The following NRSN1 variants were observed in gnomAD, a reference collection of about 807,000 sequenced individuals.
NRSN1 encodes neurensin-1.
A neutral mutation model predicts 17.3 loss-of-function variants in NRSN1; 14 were observed. The ratio of observed to expected loss-of-function variants is 0.81; its 90% CI spans 0.54 to 1.27. The LOEUF (loss-of-function observed/expected upper bound fraction) is 1.27. NRSN1 is among the 50% of genes most tolerant of loss of function. The pLI is 0.00. For missense variants in NRSN1, 209 were observed against 235.9 expected, an observed-to-expected ratio of 0.89 and a Z score of 0.75; for synonymous variants, 79 against 94.2, an observed-to-expected ratio of 0.84 and a Z score of 0.93.
intron 1 of NRSN1, among the ~76,000 whole-genome samples, chr6:24,126,983 C>T (rs942282315): frequency 2.6e-5 from 4 of 152,148 alleles, no homozygotes; most frequent in Admixed American, 2.6e-4. Context: ...GCTCCTTGGG[C>T]GCCACATCAG....
chr6:24,146,066 C>T lies in NRSN1; in HGVS notation c.*120C>T, dbSNP rs777036145. 224 of 1,037,714 alleles carry T rather than the reference C, an allele frequency of 2.2e-4. No individual in the cohort carries two copies. The highest frequency in any genetic ancestry group is 3.1e-4 in the Non-Finnish European group (204 of 660,978). The allele number at this position is 1,037,714 out of a possible 1,614,324, so 64.3% of individuals were successfully genotyped here. On this transcript the variant is annotated 3_prime_UTR_variant, in exon 4 of 4. Coordinates refer to ENST00000378491, the MANE Select transcript of NRSN1 (RefSeq NM_080723.5). ...CCCTAGGGCTGTGTTCAGCTGTGGGCAATATAATGGGTGGACTCACACTTG... is the reference window on the plus strand; with the variant it reads ...CCCTAGGGCTGTGTTCAGCTGTGGGTAATATAATGGGTGGACTCACACTTG...
chr6:24,133,899 C>T (rs915139849), intron 2 of NRSN1, among the ~76,000 whole-genome samples: 2 of 151,980 alleles, frequency 1.3e-5, no homozygotes, highest in African/African-American at 4.8e-5. Context: ...TGCAGTGGTG[C>T]GATCTTGGCT....
chr6:24,126,822 C>T (rs1486749397), intron 1 of NRSN1, among the ~76,000 whole-genome samples: 1 of 152,140 alleles, frequency 6.6e-6, no homozygotes, highest in African/African-American at 2.4e-5. Flanking sequence ...GATCTCAGGA[C>T]CTACTTCTTT....
chr6:24,144,656 A>G (rs535890761), intron 3 of NRSN1, among the ~76,000 whole-genome samples: 1 of 152,304 alleles, frequency 6.6e-6, no homozygotes, highest in East Asian at 1.9e-4. Context: ...CATATTAGCC[A>G]GGAGCGGGGG....
At chr6:24,132,436 T>C (rs1561865494) in intron 2 of NRSN1, among the ~76,000 whole-genome samples, 1 of 152,242 alleles carries the variant, frequency 6.6e-6, no homozygotes, top group Non-Finnish European at 1.5e-5. Flanking sequence ...TGGCCTGGAT[T>C]ACAGCACAAG....
chr6:24,141,708 G>A (rs1157185510), intron 3 of NRSN1, among the ~76,000 whole-genome samples: 1 of 152,230 alleles, frequency 6.6e-6, no homozygotes, highest in Admixed American at 6.5e-5. Flanking sequence ...TAGTCCAGGA[G>A]TGGATTTTCA....
chr6:24,137,836 T>C (rs1760141068), intron 3 of NRSN1, among the ~76,000 whole-genome samples: 1 of 151,878 alleles, frequency 6.6e-6, no homozygotes, highest in South Asian at 2.1e-4. Flanking sequence ...TGATGCAGAC[T>C]AGGGAAGAAA....
At chr6:24,132,666 C>A (rs1017575265) in intron 2 of NRSN1, among the ~76,000 whole-genome samples, 11 of 152,100 alleles carry the variant, frequency 7.2e-5, no homozygotes, top group African/African-American at 2.2e-4. Context: ...TTTTATATTT[C>A]TTTTATTATT....
intron 2 of NRSN1, among the ~76,000 whole-genome samples, chr6:24,131,744 G>A (rs1760033185): frequency 6.6e-6 from 1 of 152,164 alleles, no homozygotes; most frequent in East Asian, 1.9e-4. Context: ...ATAGGCTCTT[G>A]TTAATCATCT....
At chr6:24,132,542 A>G (rs1760050939) in intron 2 of NRSN1, among the ~76,000 whole-genome samples, 1 of 152,220 alleles carries the variant, frequency 6.6e-6, no homozygotes, top group Non-Finnish European at 1.5e-5. Flanking sequence ...AACTATCTAC[A>G]GGATAATTTT....
chr6:24,133,631 A>G (rs1053066922), intron 2 of NRSN1, among the ~76,000 whole-genome samples: 16 of 152,178 alleles, frequency 1.1e-4, no homozygotes, highest in Non-Finnish European at 1.9e-4. Flanking sequence ...GAGATTAAAG[A>G]TTTCTTGTCA....
intron 3 of NRSN1, among the ~76,000 whole-genome samples, chr6:24,144,814 C>T (rs1760274998): frequency 6.6e-6 from 1 of 151,818 alleles, no homozygotes; most frequent in African/African-American, 2.4e-5. Flanking sequence ...GGCAGAACAG[C>T]ATGGCCTTGC....
chr6:24,146,498 T>C lies in NRSN1; in HGVS notation c.*552T>C, dbSNP rs1760308312. On this transcript the variant is annotated 3_prime_UTR_variant, in exon 4 of 4. Coordinates refer to ENST00000378491, the MANE Select transcript of NRSN1 (RefSeq NM_080723.5). ...ATACAAAGTTATCAGCATTCACAAA[T>C]CTTTTTGTTTTCTCCATTTTTTTTC... 2.9e-6 allele frequency: 1 copy of C among 341,286 alleles called. No homozygotes were observed. The highest frequency in any genetic ancestry group is 5.7e-6 in the Non-Finnish European group (1 of 175,016). The allele number at this position is 341,286 out of a possible 1,614,324, so 21.1% of individuals were successfully genotyped here.
At position 24,138,854 on chromosome 6, in the gene NRSN1, C is replaced by T. The variant is rs566140327; in HGVS notation, c.189+4338C>T. On this transcript the variant is annotated intron_variant, in intron 3 of 3. Transcript: ENST00000378491. ...CTGTGGAAGACTCTGCTTTTTAAAT[C>T]GCAAATAAATATTGTATATATTTGT... Among the ~76,000 whole-genome samples, 7 of 152,250 alleles carry T rather than the reference C, an allele frequency of 4.6e-5. No homozygotes were observed. In the South Asian group the frequency reaches 1.0e-3, roughly 23 times the overall value.
Position 24,145,278 on chromosome 6 carries a change from A to G in NRSN1, c.190-270A>G, listed in dbSNP as rs1173180852. On this transcript the variant is annotated intron_variant, in intron 3 of 3. Coordinates refer to ENST00000378491, the MANE Select transcript of NRSN1 (RefSeq NM_080723.5). This position sits in a 1 kb window ranked among gnomAD's most constrained non-coding sequence, Gnocchi z 4.4. Reference sequence around the variant, plus strand: ...ATATATATATCTTTAGATATACAATATATGTATATCTTTAGATATATAATA... The same window carrying G: ...ATATATATATCTTTAGATATACAATGTATGTATATCTTTAGATATATAATA... 6.8e-6 allele frequency among the ~76,000 whole-genome samples: 1 copy of G among 147,444 alleles called. No homozygotes were observed. The highest frequency in any genetic ancestry group is 6.8e-5 in the Admixed American group (1 of 14,678).
intron 3 of NRSN1, among the ~76,000 whole-genome samples, chr6:24,142,905 T>G (rs903113835): frequency 1.3e-5 from 2 of 152,148 alleles, no homozygotes; most frequent in African/African-American, 4.8e-5. Flanking sequence ...ATATCCTTAT[T>G]TGGCCCCGCC....
chr6:24,145,984 C>T lies in NRSN1; in HGVS notation c.*38C>T. 2 of 1,570,400 alleles carry T rather than the reference C, an allele frequency of 1.3e-6. No individual in the cohort carries two copies. Among genetic ancestry groups the T allele is most frequent in the Non-Finnish European group, 1.7e-6 (2 of 1,158,038 alleles). The stretch of plus-strand genomic sequence containing the variant: ...CCCAGTTCTTCTTGTCTGATTTATG[C>T]CCGTGGTTAAAAAGAGCAGGCCAGT... On this transcript the variant is annotated 3_prime_UTR_variant, in exon 4 of 4. Coordinates refer to ENST00000378491, the MANE Select transcript of NRSN1 (RefSeq NM_080723.5). The surrounding 1 kb of genome is among the most constrained non-coding windows in gnomAD (Gnocchi z 4.4).
chr6:24,134,202 A>C, intron 2 of NRSN1, 117 bp from the exon 3 acceptor site: 1 of 823,922 alleles, frequency 1.2e-6, no homozygotes, highest in Non-Finnish European at 1.9e-6. Flanking sequence ...TTCTGTAATG[A>C]AAAGAGCATT....
At chr6:24,129,773 A>C (rs547963999) in intron 2 of NRSN1, 2 of 152,212 alleles carry the variant, frequency 1.3e-5, no homozygotes, top group Non-Finnish European at 2.9e-5. Context: ...GTTGCTATGG[A>C]CAGGTTATAA....
Sources: gnomAD v4.1 joint callset for allele counts (sites outside exome capture counted in the v4.1 genomes callset) on GRCh38, gnomAD v4.1.1 for gene constraint, Gnocchi (gnomAD v3.1) non-coding constraint, MANE v1.5 for transcripts, NCBI Gene and HGNC (gene_info 2026-07-23, HGNC 2026-07-21) for gene names.